ADAMTS3: variants seen among roughly 807,000 people sequenced by gnomAD.
ADAMTS3 encodes A disintegrin and metalloproteinase with thrombospondin motifs 3.
ADAMTS3 carries 73 observed loss-of-function variants against 129.0 expected under a neutral mutation model. The ratio of observed to expected loss-of-function variants is 0.57; its 90% confidence interval spans 0.47 to 0.69. The LOEUF (loss-of-function observed/expected upper bound fraction) is 0.69. Among genes scored for constraint, ADAMTS3 ranks in the 30% least tolerant of loss-of-function variants. ADAMTS3 has a pLI of 0.00. For missense variants in ADAMTS3, 1,457 were observed against 1,514.5 expected (o/e 0.96, Z 0.63); for synonymous variants, 477 against 510.8 (o/e 0.93, Z 0.89).
rs1172797916 is a variant in ADAMTS3 at position 72,291,585 on chromosome 4, C to CT, written c.2724-524dup. ...TCCCTACAAAGGACATGAACTCATC[C>CT]TTTTTTATGGCTGCATAGTATTCCA... On this transcript the variant is annotated intron_variant, in intron 19 of 21. Transcript: ENST00000286657. Among the ~76,000 whole-genome samples, 4 of 151,516 alleles carry CT rather than the reference C, an allele frequency of 2.6e-5. No individual in the cohort carries two copies. In the East Asian group the frequency reaches 7.8e-4, roughly 29 times the overall value.
At chr4:72,320,900 C>T in intron 6 of ADAMTS3, 30 bp from the exon 7 acceptor site, 1 of 1,590,126 alleles carries the variant, frequency 6.3e-7, no homozygotes, top group African/African-American at 1.4e-5. Flanking sequence ...TAAAGACACA[C>T]CTGACAATTT....
At chr4:72,544,346 C>T (rs897443650) in intron 3 of ADAMTS3, among the ~76,000 whole-genome samples, 10 of 151,960 alleles carry the variant, frequency 6.6e-5, no homozygotes, top group Non-Finnish European at 1.3e-4. Flanking sequence ...GTATTTATGA[C>T]CAATCTCTCT....
chr4:72,289,158 T>G (rs1913374), intron 20 of ADAMTS3, among the ~76,000 whole-genome samples: 88,335 of 151,974 alleles, frequency 0.58, 29,638 homozygotes, highest in Non-Finnish European at 0.77. Context: ...TAAGATTGTT[T>G]TAGGACTAAA....
At chr4:72,538,281 A>G (rs983904300) in intron 3 of ADAMTS3, among the ~76,000 whole-genome samples, 11 of 152,218 alleles carry the variant, frequency 7.2e-5, no homozygotes, top group Non-Finnish European at 1.6e-4. Flanking sequence ...TAAACATCTA[A>G]GAAGCTCAAT....
At chr4:72,342,848 A>G (rs1431044368) in intron 4 of ADAMTS3, among the ~76,000 whole-genome samples, 2 of 152,194 alleles carry the variant, frequency 1.3e-5, no homozygotes, top group Non-Finnish European at 2.9e-5. Flanking sequence ...TCATTTTCCA[A>G]CACCTATTGA....
intron 3 of ADAMTS3, among the ~76,000 whole-genome samples, chr4:72,525,620 TG>T (rs1435490417): frequency 6.6e-6 from 1 of 152,138 alleles, no homozygotes. Context: ...ACAAAATGTA[TG>T]GTCTTTGTCT....
chr4:72,282,611 T>G lies in ADAMTS3; in HGVS notation c.*525A>C, dbSNP rs1409934029. 1.3e-5 allele frequency: 2 copies of G among 152,766 alleles called. No individual in the cohort carries two copies. The highest frequency in any genetic ancestry group is 2.4e-5 in the African/African-American group (1 of 41,442). 9.5% of individuals were successfully genotyped at this position (152,766 alleles called of 1,614,324 possible). A position where few individuals can be genotyped will look rare whatever the true frequency, so the allele number is the denominator to read the frequency against. ...AAATGTAATATAGTAAACAATCATT[T>G]GAGAACACATCTCTTAAAATAATAC... On this transcript the variant is annotated 3_prime_UTR_variant, in exon 22 of 22. Transcript: ENST00000286657.
chr4:72,283,342 C>T lies in ADAMTS3; in HGVS notation c.3412G>A (p.Gly1138Arg), dbSNP rs1255908055. 1.2e-6 allele frequency: 2 copies of T among 1,613,792 alleles called. No individual in the cohort carries two copies. Among genetic ancestry groups the T allele is most frequent in the African/African-American group, 2.7e-5 (2 of 75,016 alleles). ...GTGACCAGTCTCACAGTCTTACTTC[C>T]TGCTTGCTGAGCACTCCTCTGGCGT... ...NLRQRSAQQA[G>R]SKTVRLVTVP... Residue 1138 changes from glycine (G) to arginine (R), a missense_variant, in exon 22 of 22, where the codon GGA becomes AGA. Physicochemically the swap from Gly to Arg is moderately radical, Grantham distance 125. Transcript: ENST00000286657.
chr4:72,565,516 G>T (rs941413131), intron 2 of ADAMTS3, among the ~76,000 whole-genome samples: 12 of 152,138 alleles, frequency 7.9e-5, no homozygotes, highest in African/African-American at 2.7e-4. Context: ...AAAGTGAAAT[G>T]ATAGTTATAC....
At chr4:72,369,386 A>C (rs1407790840) in intron 4 of ADAMTS3, among the ~76,000 whole-genome samples, 1 of 152,072 alleles carries the variant, frequency 6.6e-6, no homozygotes, top group Non-Finnish European at 1.5e-5. Flanking sequence ...AAGAATTTGC[A>C]GCACAGCAAT....
chr4:72,519,940 T>C (rs1157408812), intron 3 of ADAMTS3, among the ~76,000 whole-genome samples: 3 of 152,226 alleles, frequency 2.0e-5, no homozygotes, highest in Admixed American at 2.0e-4. Flanking sequence ...CCAGTTTTTC[T>C]GCTCTGTTTT....
rs372233440 is a variant in ADAMTS3 at position 72,543,868 on chromosome 4, T to C, written c.504+4610A>G. Reference sequence around the variant, plus strand: ...CTTAAAACATGCTTAAGACGGTACATTTTATGTTATGTGTATTTTATCACA... The same window carrying C: ...CTTAAAACATGCTTAAGACGGTACACTTTATGTTATGTGTATTTTATCACA... On this transcript the variant is annotated intron_variant, in intron 3 of 21. Coordinates refer to ENST00000286657, the MANE Select transcript of ADAMTS3 (RefSeq NM_014243.3). Among the ~76,000 whole-genome samples, 27 of 152,234 alleles carry C rather than the reference T, an allele frequency of 1.8e-4. No individual in the cohort carries two copies. The South Asian group carries it at 1.9e-3, about 11-fold the overall frequency.
intron 5 of ADAMTS3, among the ~76,000 whole-genome samples, chr4:72,334,694 G>T (rs77792079): frequency 0.037 from 5,630 of 152,176 alleles, 348 homozygotes; most frequent in African/African-American, 0.13. Context: ...ACATGCCCCA[G>T]AGCTGAGAAC....
intron 4 of ADAMTS3, among the ~76,000 whole-genome samples, chr4:72,409,685 G>GA (rs932222381): frequency 5.9e-5 from 9 of 152,004 alleles, no homozygotes; most frequent in African/African-American, 1.4e-4. Flanking sequence ...GCAATTTAAT[G>GA]AAAAAAATAA....
chr4:72,564,066 G>T (rs557804138), intron 2 of ADAMTS3, among the ~76,000 whole-genome samples: 1 of 152,188 alleles, frequency 6.6e-6, no homozygotes, highest in East Asian at 1.9e-4. Flanking sequence ...TTTAAGATTG[G>T]GATGTAATGG....
intron 3 of ADAMTS3, among the ~76,000 whole-genome samples, chr4:72,488,143 C>T (rs1057014713): frequency 6.6e-6 from 1 of 151,878 alleles, no homozygotes; most frequent in Non-Finnish European, 1.5e-5. Context: ...GAGTTGCAAA[C>T]GTGGCAATGT....
chr4:72,494,906 T>A (rs1343691188), intron 3 of ADAMTS3, among the ~76,000 whole-genome samples: 5 of 152,138 alleles, frequency 3.3e-5, no homozygotes, highest in Admixed American at 3.3e-4. Context: ...GCAGCCAAGG[T>A]TACAAATATA....
At chr4:72,497,209 G>A (rs1267574943) in intron 3 of ADAMTS3, among the ~76,000 whole-genome samples, 1 of 152,006 alleles carries the variant, frequency 6.6e-6, no homozygotes, top group East Asian at 1.9e-4. Flanking sequence ...AAATGCAAAT[G>A]TACTTTATTC....
At chr4:72,564,659 A>G (rs1721981331) in intron 2 of ADAMTS3, among the ~76,000 whole-genome samples, 1 of 152,162 alleles carries the variant, frequency 6.6e-6, no homozygotes, top group Non-Finnish European at 1.5e-5. Context: ...CATACCAAGA[A>G]GGTATTATTC....
Sources: gnomAD v4.1 joint callset for allele counts (sites outside exome capture counted in the v4.1 genomes callset) on GRCh38, gnomAD v4.1.1 for gene constraint, MANE v1.5 for transcripts, NCBI Gene and HGNC (gene_info 2026-07-23, HGNC 2026-07-21) for gene names.